The following EPB41L1 variants were observed in gnomAD, a reference collection of about 807,000 sequenced individuals.
The protein encoded by EPB41L1 is band 4.1-like protein 1.
A neutral mutation model predicts 97.8 loss-of-function variants in EPB41L1; 29 were observed. That is an observed-to-expected ratio of 0.30 (90% CI 0.22 to 0.40). EPB41L1 has a LOEUF of 0.40. Among genes scored for constraint, EPB41L1 ranks in the 10% least tolerant of loss-of-function variants. EPB41L1 has a pLI of 1.00. For synonymous variants in EPB41L1, 383 were observed against 459.2 expected, an observed-to-expected ratio of 0.83 and a Z score of 2.12; for missense variants, 812 against 1,162.3, an observed-to-expected ratio of 0.70 and a Z score of 4.38.
chr20:36,230,905 G>A lies in EPB41L1; in HGVS notation c.*1565G>A, dbSNP rs2064463347. 6.6e-6 allele frequency: 1 copy of A among 152,116 alleles called. No homozygotes were observed. Among genetic ancestry groups the A allele is most frequent in the African/African-American group, 2.4e-5 (1 of 41,394 alleles). The allele number at this position is 152,116 out of a possible 1,614,324, so 9.4% of individuals were successfully genotyped here. ...TAACCTGACTGTCTAAAAATTCCCA[G>A]CTAAGCCTTTTCCTCTACTCTCTTC... On this transcript the variant is annotated 3_prime_UTR_variant, in exon 22 of 22. Coordinates refer to ENST00000338074, the MANE Select transcript of EPB41L1 (RefSeq NM_012156.2).
intron 1 of EPB41L1, among the ~76,000 whole-genome samples, chr20:36,167,965 C>T (rs1177694575): frequency 6.6e-6 from 1 of 152,142 alleles, no homozygotes; most frequent in African/African-American, 2.4e-5. Context: ...GATGCTGACT[C>T]ATGCTAACCC....
rs1172112130 is a variant in EPB41L1 at position 36,193,246 on chromosome 20, TCAC to T, written c.1301-963_1301-961del. On this transcript the variant is annotated intron_variant, in intron 11 of 21. Transcript: ENST00000338074. ...GTCCCTGTCCCAACTCACCAAAAGGTCACCAGTGGGATATTTCCCCTCTTGATG... is the reference window on the plus strand; with the variant it reads ...GTCCCTGTCCCAACTCACCAAAAGGTCAGTGGGATATTTCCCCTCTTGATG... Among the ~76,000 whole-genome samples, 3 of 152,292 alleles carry T rather than the reference TCAC, an allele frequency of 2.0e-5. No homozygotes were observed. The East Asian group carries it at 5.8e-4, about 29-fold the overall frequency.
At chr20:36,192,720 T>A (rs1355241727) in intron 11 of EPB41L1, among the ~76,000 whole-genome samples, 1 of 152,082 alleles carries the variant, frequency 6.6e-6, no homozygotes, top group Non-Finnish European at 1.5e-5. Flanking sequence ...GTTTGGTCCT[T>A]TCCTTTGAGG....
At position 36,173,909 on chromosome 20, in the gene EPB41L1, C is replaced by T. The variant is rs779965572; in HGVS notation, c.132C>T (p.Ser44=). ...GCCACGGCCACCCAGAGGCCAACTC[C>T]AATGAGAAGCATCCATCCCAGCAGG... ...PAGHGHPEAN[S]NEKHPSQQDT... Residue 44 remains serine, a synonymous_variant, in exon 2 of 22, where the codon TCC becomes TCT. Coordinates refer to ENST00000338074, the MANE Select transcript of EPB41L1 (RefSeq NM_012156.2). The T allele has an allele frequency of 3.1e-6, 5 of 1,614,054 alleles. No homozygotes were observed. The Admixed American group carries it at 8.3e-5, about 27-fold the overall frequency.
intron 1 of EPB41L1, among the ~76,000 whole-genome samples, chr20:36,155,966 A>G (rs1029462416): frequency 2.0e-5 from 3 of 151,970 alleles, no homozygotes; most frequent in African/African-American, 4.8e-5. Flanking sequence ...AGCCAGGTCA[A>G]GATCTGGGGC....
chr20:36,103,925 C>T (rs895998405), intron 1 of EPB41L1, among the ~76,000 whole-genome samples: 2 of 152,030 alleles, frequency 1.3e-5, no homozygotes, highest in African/African-American at 4.8e-5. Flanking sequence ...AGGATGGTCT[C>T]GATCTCCTGA....
intron 7 of EPB41L1, among the ~76,000 whole-genome samples, chr20:36,185,969 A>G (rs1481532889): frequency 6.6e-6 from 1 of 152,218 alleles, no homozygotes; most frequent in African/African-American, 2.4e-5. Flanking sequence ...GACGATAATT[A>G]ACTAGTGTGA....
At chr20:36,160,678 C>T (rs547394463) in intron 1 of EPB41L1, among the ~76,000 whole-genome samples, 1 of 152,066 alleles carries the variant, frequency 6.6e-6, no homozygotes, top group East Asian at 1.9e-4. Flanking sequence ...TAGCTAATAA[C>T]AGCATGTTGT....
chr20:36,110,988 G>A (rs1254353626), intron 1 of EPB41L1, among the ~76,000 whole-genome samples: 4 of 152,144 alleles, frequency 2.6e-5, no homozygotes, highest in Non-Finnish European at 4.4e-5. Context: ...CTGGTCTTCA[G>A]TGAGTCATTT....
intron 2 of EPB41L1, among the ~76,000 whole-genome samples, chr20:36,122,298 C>T (rs746161268): frequency 4.6e-5 from 7 of 152,222 alleles, no homozygotes; most frequent in Non-Finnish European, 8.8e-5. Flanking sequence ...ATGCAGAGGG[C>T]CGGCCTTTGT....
intron 1 of EPB41L1, among the ~76,000 whole-genome samples, chr20:36,110,534 G>A (rs960295007): frequency 1.0e-4 from 15 of 150,430 alleles, no homozygotes; most frequent in African/African-American, 2.0e-4. Flanking sequence ...ACACACATGT[G>A]CACACACACA....
intron 2 of EPB41L1, among the ~76,000 whole-genome samples, chr20:36,138,303 C>T (rs2059496997): frequency 1.4e-5 from 2 of 146,600 alleles, no homozygotes; most frequent in Admixed American, 6.9e-5. Context: ...CTCGCTCTGT[C>T]AGCCAGGCTG....
At position 36,092,762 on chromosome 20, in the gene EPB41L1, A is replaced by T. The variant is rs2057693757; in HGVS notation, c.-65+1150A>T. On this transcript the variant is annotated intron_variant, in intron 1 of 19. Transcript: ENST00000202028. This position sits in a 1 kb window ranked among gnomAD's most constrained non-coding sequence, Gnocchi z 7.0. The stretch of plus-strand genomic sequence containing the variant: ...CGGAGCCCGCCGGGGCAGCCGCCGG[A>T]CACCAGGACCGCGAGCCAGACAGCT... 1 of 152,246 alleles carries T rather than the reference A, an allele frequency of 6.6e-6. No homozygotes were observed. Among genetic ancestry groups the T allele is most frequent in the Non-Finnish European group, 1.5e-5 (1 of 67,960 alleles). The allele number at this position is 152,246 out of a possible 1,614,324, so 9.4% of individuals were successfully genotyped here. A position where few individuals can be genotyped will look rare whatever the true frequency, so the allele number is the denominator to read the frequency against.
chr20:36,110,445 C>A (rs12479796), intron 1 of EPB41L1, among the ~76,000 whole-genome samples: 3 of 152,194 alleles, frequency 2.0e-5, no homozygotes, highest in Non-Finnish European at 2.9e-5. Context: ...CCCTTCTCTC[C>A]TGCCCAGTCC....
In EPB41L1 at chr20:36,178,656, C is replaced by T. The variant is rs1943156662; in HGVS notation, c.474C>T (p.Ile158=). ...QKNWLDPSKE[I]KKQIRSSPWN... ...ACTGGCTGGACCCCTCCAAGGAGATCAAGAAGCAGATCCGGAGTGAGTGGC... is the reference window on the plus strand; with the variant it reads ...ACTGGCTGGACCCCTCCAAGGAGATTAAGAAGCAGATCCGGAGTGAGTGGC... The change falls in exon 5 of 22, where the codon ATC becomes ATT. Residue 158 remains isoleucine (I), a synonymous_variant. Transcript: ENST00000338074. 6.2e-7 allele frequency: 1 copy of T among 1,614,138 alleles called. No homozygotes were observed. Among genetic ancestry groups the T allele is most frequent in the Admixed American group, 1.7e-5 (1 of 60,018 alleles).
intron 2 of EPB41L1, among the ~76,000 whole-genome samples, chr20:36,134,193 C>G (rs73097438): frequency 0.2 from 30,679 of 152,094 alleles, 3,274 homozygotes; most frequent in Middle Eastern, 0.28. Context: ...AATTAGGCTT[C>G]CAGGGGTGAT....
Position 36,206,512 on chromosome 20 carries a change from CT to C in EPB41L1, c.1669-2975del. On this transcript the variant is annotated intron_variant, in intron 14 of 21. Transcript: ENST00000338074. The surrounding 1 kb of genome is among the most constrained non-coding windows in gnomAD (Gnocchi z 5.5). The stretch of plus-strand genomic sequence containing the variant: ...AGAAAAAGACTCAGAAGACCAAGTC[CT>C]CCCTCCACCCCTGGAGGAGAGAAAA... 2 of 1,289,834 alleles carry C rather than the reference CT, an allele frequency of 1.6e-6. No individual in the cohort carries two copies. Among genetic ancestry groups the C allele is most frequent in the Non-Finnish European group, 2.0e-6 (2 of 988,870 alleles). The allele number at this position is 1,289,834 out of a possible 1,614,324, so 79.9% of individuals were successfully genotyped here. A position where few individuals can be genotyped will look rare whatever the true frequency, so the allele number is the denominator to read the frequency against.
Position 36,229,239 on chromosome 20 carries a change from A to T in EPB41L1, c.2638-93A>T, listed in dbSNP as rs532167174. On this transcript the variant is annotated intron_variant, in intron 21 of 21. Coordinates refer to ENST00000338074, the MANE Select transcript of EPB41L1 (RefSeq NM_012156.2). Reference sequence around the variant, plus strand: ...ACAACCTCTTGCCATGTATTTTAAAACAAGTGACAGAAGTTACTAATTTTT... The same window carrying T: ...ACAACCTCTTGCCATGTATTTTAAATCAAGTGACAGAAGTTACTAATTTTT... The T allele has an allele frequency of 2.2e-4, 235 of 1,070,224 alleles. 1 individual carries two copies. In the South Asian group the frequency reaches 3.0e-3, roughly 14 times the overall value. 66.3% of individuals were successfully genotyped at this position (1,070,224 alleles called of 1,614,324 possible).
chr20:36,186,757 G>A (rs1191640820), intron 7 of EPB41L1, among the ~76,000 whole-genome samples: 1 of 152,196 alleles, frequency 6.6e-6, no homozygotes, highest in Non-Finnish European at 1.5e-5. Flanking sequence ...ATGGGCTGGA[G>A]AAATACTAAG....
Sources: gnomAD v4.1 joint callset for allele counts (sites outside exome capture counted in the v4.1 genomes callset) on GRCh38, gnomAD v4.1.1 for gene constraint, Gnocchi (gnomAD v3.1) non-coding constraint, MANE v1.5 for transcripts, NCBI Gene and HGNC (gene_info 2026-07-23, HGNC 2026-07-21) for gene names.